PKNOX1: variants seen among roughly 807,000 people sequenced by gnomAD.
PKNOX1 encodes homeobox protein PKNOX1.
Under a neutral mutation model 51.9 loss-of-function variants are expected in PKNOX1, and 15 were observed. That is an observed-to-expected ratio of 0.29 (90% confidence interval 0.19 to 0.45). PKNOX1 has a LOEUF of 0.45. PKNOX1 is among the 20% of genes least tolerant of loss of function. The pLI is 1.00. For missense variants in PKNOX1, 462 were observed against 547.5 expected (o/e 0.84, Z 1.56); for synonymous variants, 219 against 211.1 (o/e 1.04, Z -0.32).
Position 42,987,313 on chromosome 21 carries a change from C to T in PKNOX1, c.-57+12649C>T, listed in dbSNP as rs537472228. Among the ~76,000 whole-genome samples the T allele has an allele frequency of 1.3e-3, 184 of 138,544 alleles. 2 individuals are homozygous for T. The Middle Eastern group carries it at 0.021, about 16-fold the overall frequency. The allele number at this position is 138,544 out of a possible 152,430, so 90.9% of individuals were successfully genotyped here. On this transcript the variant is annotated intron_variant, in intron 1 of 10. Coordinates refer to ENST00000291547, the MANE Select transcript of PKNOX1 (RefSeq NM_004571.5). ...AGGAGAATCGCTTGAACCTGGGAGG[C>T]GGAGGTTGCAGTGAGCTGAGATCGT... is the stretch of plus-strand genomic sequence containing the variant.
At chr21:42,990,800 TAGG>T (rs997675259) in intron 1 of PKNOX1, among the ~76,000 whole-genome samples, 1 of 152,288 alleles carries the variant, frequency 6.6e-6, no homozygotes, top group African/African-American at 2.4e-5. Flanking sequence ...AGAACTATGA[TAGG>T]AGGAGTGTGA....
rs1410534740 is a variant in PKNOX1 at position 43,010,231 on chromosome 21, A to C, written c.351+7A>C. On this transcript the variant is annotated splice_region_variant and intron_variant, in intron 4 of 10. Coordinates refer to ENST00000291547, the MANE Select transcript of PKNOX1 (RefSeq NM_004571.5). ...TCCAGAAACTGATAATTTAGTAAGT[A>C]AAATAAATTTTATTTTTAGTTTTCA... 2.5e-5 allele frequency: 36 copies of C among 1,427,382 alleles called. No homozygotes were observed. Among genetic ancestry groups the C allele is most frequent in the Non-Finnish European group, 3.1e-5 (32 of 1,045,560 alleles). 88.4% of individuals were successfully genotyped at this position (1,427,382 alleles called of 1,614,324 possible).
chr21:43,014,255 T>C (rs1221354396), intron 5 of PKNOX1, among the ~76,000 whole-genome samples: 2 of 152,122 alleles, frequency 1.3e-5, no homozygotes, highest in African/African-American at 4.8e-5. Flanking sequence ...TCTCCTGACC[T>C]CGTGATCCGC....
At chr21:43,027,931 A>G (rs905441088) in intron 9 of PKNOX1, among the ~76,000 whole-genome samples, 4 of 151,828 alleles carry the variant, frequency 2.6e-5, no homozygotes, top group Admixed American at 6.6e-5. Context: ...TACAGAAACA[A>G]TGTCCAGCCT....
intron 7 of PKNOX1, among the ~76,000 whole-genome samples, chr21:43,018,795 T>A (rs557626636): frequency 6.6e-6 from 1 of 152,142 alleles, no homozygotes; most frequent in South Asian, 2.1e-4. Context: ...GTTCTTACTT[T>A]AAGAACATTG....
Position 43,032,987 on chromosome 21 carries a change from C to G in PKNOX1, c.*2886C>G, listed in dbSNP as rs1980344823. ...AGAATCTGTAAAAGTGTGACCCCCTCTAAGATTTCGTTTTAAATGATCAGA... is the reference window on the plus strand; with the variant it reads ...AGAATCTGTAAAAGTGTGACCCCCTGTAAGATTTCGTTTTAAATGATCAGA... On this transcript the variant is annotated 3_prime_UTR_variant, in exon 11 of 11. Transcript: ENST00000291547. 1.3e-5 allele frequency: 2 copies of G among 152,186 alleles called. No homozygotes were observed. The highest frequency in any genetic ancestry group is 2.9e-5 in the Non-Finnish European group (2 of 68,038). 9.4% of individuals were successfully genotyped at this position (152,186 alleles called of 1,614,324 possible). A position where few individuals can be genotyped will look rare whatever the true frequency, so the allele number is the denominator to read the frequency against.
rs932343543 is a variant in PKNOX1, at chr21:42,974,573, C to T, written c.-148C>T. The stretch of plus-strand genomic sequence containing the variant: ...CATTGAGCGAGGCTGTGTCGCGTGG[C>T]CCAGCGTCGGCGTGACGGTTGGACG... On this transcript the variant is annotated 5_prime_UTR_variant, in exon 1 of 11. Transcript: ENST00000291547. 1.3e-5 allele frequency: 2 copies of T among 152,152 alleles called. No individual in the cohort carries two copies. The highest frequency in any genetic ancestry group is 1.5e-5 in the Non-Finnish European group (1 of 67,944). The allele number at this position is 152,152 out of a possible 1,614,324, so 9.4% of individuals were successfully genotyped here. A position where few individuals can be genotyped will look rare whatever the true frequency, so the allele number is the denominator to read the frequency against.
At chr21:42,992,718 C>T (rs2059093439) in intron 1 of PKNOX1, among the ~76,000 whole-genome samples, 2 of 141,100 alleles carry the variant, frequency 1.4e-5, no homozygotes, top group South Asian at 2.1e-4. Flanking sequence ...GAGGTCTTCA[C>T]AGCACTGGGG....
chr21:42,974,615 G>C lies in PKNOX1; in HGVS notation c.-106G>C, dbSNP rs1009703500. ...GGTTGGACGCGGGCGCGGCACTGCG[G>C]GTCCCGATTGCTGCAGCCGCTTGTC... On this transcript the variant is annotated 5_prime_UTR_variant, in exon 1 of 11. Coordinates refer to ENST00000291547, the MANE Select transcript of PKNOX1 (RefSeq NM_004571.5). 1.3e-5 allele frequency: 2 copies of C among 152,916 alleles called. No homozygotes were observed. Among genetic ancestry groups the C allele is most frequent in the African/African-American group, 2.4e-5 (1 of 41,370 alleles). 9.5% of individuals were successfully genotyped at this position (152,916 alleles called of 1,614,324 possible). A position where few individuals can be genotyped will look rare whatever the true frequency, so the allele number is the denominator to read the frequency against.
At chr21:43,008,859 C>T (rs1202869474) in intron 3 of PKNOX1, among the ~76,000 whole-genome samples, 1 of 151,970 alleles carries the variant, frequency 6.6e-6, no homozygotes, top group Non-Finnish European at 1.5e-5. Context: ...ATATGTATAC[C>T]TAACACAAAT....
chr21:43,021,181 T>C lies in PKNOX1; in HGVS notation c.721-122T>C. The C allele has an allele frequency of 1.4e-6, 1 of 732,784 alleles. No homozygotes were observed. Among genetic ancestry groups the C allele is most frequent in the Non-Finnish European group, 2.2e-6 (1 of 454,804 alleles). 45.4% of individuals were successfully genotyped at this position (732,784 alleles called of 1,614,324 possible). A position where few individuals can be genotyped will look rare whatever the true frequency, so the allele number is the denominator to read the frequency against. On this transcript the variant is annotated intron_variant, in intron 7 of 10. Transcript: ENST00000291547. This position sits in a 1 kb window ranked among gnomAD's most constrained non-coding sequence, Gnocchi z 4.6. ...TCAGTCCACACAGGGTTCCCGTGCA[T>C]GGGCCTCGACTACAATCATTTCCCT...
intron 7 of PKNOX1, among the ~76,000 whole-genome samples, chr21:43,019,566 G>A (rs1370154319): frequency 2.0e-5 from 3 of 151,812 alleles, no homozygotes; most frequent in African/African-American, 7.3e-5. Context: ...TTTCTGAGAC[G>A]AAGTCTCACT....
At chr21:42,977,885 C>A (rs2059005668) in intron 1 of PKNOX1, among the ~76,000 whole-genome samples, 1 of 152,054 alleles carries the variant, frequency 6.6e-6, no homozygotes, top group African/African-American at 2.4e-5. Flanking sequence ...TCTCAGCCTT[C>A]ATAGAATTGA....
At chr21:43,018,271 T>C in intron 7 of PKNOX1, 41 bp downstream of exon 7, 1 of 1,301,274 alleles carries the variant, frequency 7.7e-7, no homozygotes, top group Non-Finnish European at 1.1e-6. Flanking sequence ...GGGCGAGTGC[T>C]GCCCACATAG....
At chr21:42,981,155 C>T (rs896470600) in intron 1 of PKNOX1, among the ~76,000 whole-genome samples, 14 of 152,178 alleles carry the variant, frequency 9.2e-5, no homozygotes, top group Admixed American at 7.9e-4. Context: ...GTCTTGTGTA[C>T]ACTGTTCAGG....
At chr21:42,975,235 GCGGCCGCGACCCCGGCCCCGGCCT>G (rs1165621143) in intron 1 of PKNOX1, among the ~76,000 whole-genome samples, 3 of 149,796 alleles carry the variant, frequency 2.0e-5, no homozygotes, top group Non-Finnish European at 4.5e-5. Flanking sequence ...CGGGAAGATG[GCGGCCGCGACCCCGGCCCCGGCCT>G]CGGCCGTGGC....
At chr21:43,014,222 C>G (rs974155723) in intron 5 of PKNOX1, among the ~76,000 whole-genome samples, 2 of 152,044 alleles carry the variant, frequency 1.3e-5, no homozygotes, top group East Asian at 1.9e-4. Context: ...GGGGTTTCAC[C>G]GTATTAGCCA....
At chr21:43,019,183 A>G (rs1979642844) in intron 7 of PKNOX1, among the ~76,000 whole-genome samples, 1 of 151,654 alleles carries the variant, frequency 6.6e-6, no homozygotes, top group Admixed American at 6.6e-5. Context: ...TCTTGAGGTT[A>G]GGAGTTTGAG....
At chr21:42,985,916 G>C (rs752092144) in intron 1 of PKNOX1, among the ~76,000 whole-genome samples, 1 of 150,078 alleles carries the variant, frequency 6.7e-6, no homozygotes, top group Non-Finnish European at 1.5e-5. Flanking sequence ...CAGGAGAATT[G>C]CTTGAACCTG....
Sources: gnomAD v4.1 joint callset for allele counts (sites outside exome capture counted in the v4.1 genomes callset) on GRCh38, gnomAD v4.1.1 for gene constraint, Gnocchi (gnomAD v3.1) non-coding constraint, MANE v1.5 for transcripts, NCBI Gene and HGNC (gene_info 2026-07-23, HGNC 2026-07-21) for gene names.